Variants in TSPAN11 observed in about 807,000 individuals in gnomAD.
TSPAN11 encodes the protein tetraspanin 11.
In TSPAN11, 29 loss-of-function variants were observed where a neutral mutation model predicts 32.9. The observed-to-expected ratio is 0.88, with a 90% CI of 0.66 to 1.20. The LOEUF (loss-of-function observed/expected upper bound fraction) is 1.20. Among genes scored for constraint, TSPAN11 ranks in the 50% most tolerant of loss-of-function variants. The pLI is 0.00. For missense variants in TSPAN11, 283 were observed against 329.1 expected, an observed-to-expected ratio of 0.86 and a Z score of 1.08; for synonymous variants, 140 against 141.3, an observed-to-expected ratio of 0.99 and a Z score of 0.07.
chr12:30,968,080 T>C (rs948880915), intron 3 of TSPAN11, among the ~76,000 whole-genome samples: 3 of 152,242 alleles, frequency 2.0e-5, no homozygotes, highest in African/African-American at 7.2e-5. Context: ...AGCAGTTCCT[T>C]CCTTGTTTCA....
intron 2 of TSPAN11, among the ~76,000 whole-genome samples, chr12:30,956,963 G>A (rs890449963): frequency 1.2e-4 from 19 of 152,206 alleles, no homozygotes; most frequent in African/African-American, 4.1e-4. Context: ...CCCGGGGACC[G>A]GGGATACATG....
the TSPAN11 span, among the ~76,000 whole-genome samples, chr12:31,007,052 C>A: frequency 6.8e-4 from 104 of 152,124 alleles, no homozygotes; most frequent in Non-Finnish European, 1.2e-3. Context: ...GTAGGGGGGG[C>A]CCCTCCCCAG....
chr12:30,928,611 C>T (rs914659908), intron 1 of TSPAN11, among the ~76,000 whole-genome samples: 8 of 152,200 alleles, frequency 5.3e-5, no homozygotes, highest in African/African-American at 1.9e-4. Context: ...AAGGAAAGAT[C>T]CTTGGATGGG....
the TSPAN11 span, among the ~76,000 whole-genome samples, chr12:31,014,300 T>G: frequency 1.3e-5 from 2 of 152,226 alleles, no homozygotes; most frequent in Non-Finnish European, 2.9e-5. Flanking sequence ...CAGATGGTAT[T>G]TCCTTATGCT....
intron 3 of TSPAN11, among the ~76,000 whole-genome samples, chr12:30,966,370 C>T (rs145219907): frequency 1.9e-4 from 29 of 152,302 alleles, no homozygotes; most frequent in African/African-American, 6.3e-4. Context: ...CCAGCAGGTG[C>T]GCACAGTCTG....
At chr12:30,969,261 A>T (rs911502453) in intron 3 of TSPAN11, among the ~76,000 whole-genome samples, 1 of 152,140 alleles carries the variant, frequency 6.6e-6, no homozygotes, top group African/African-American at 2.4e-5. Flanking sequence ...TGGAAACTGG[A>T]CTGTGTCCTC....
chr12:30,932,745 C>T (rs963644342), intron 1 of TSPAN11, among the ~76,000 whole-genome samples: 4 of 152,176 alleles, frequency 2.6e-5, no homozygotes, highest in African/African-American at 9.7e-5. Context: ...CCCCAAGTTA[C>T]AACTCCATGG....
intron 1 of TSPAN11, among the ~76,000 whole-genome samples, chr12:30,953,584 C>T (rs1938423654): frequency 6.6e-6 from 1 of 152,152 alleles, no homozygotes; most frequent in African/African-American, 2.4e-5. Context: ...TCAAATGATG[C>T]AGAGTGCAAG....
chr12:30,973,474 T>C (rs1419160120), intron 3 of TSPAN11, among the ~76,000 whole-genome samples: 1 of 151,912 alleles, frequency 6.6e-6, no homozygotes, highest in African/African-American at 2.4e-5. Flanking sequence ...CAAGAAAGGG[T>C]TATTTTTTTT....
At chr12:30,965,807 G>A (rs1289364102) in intron 3 of TSPAN11, among the ~76,000 whole-genome samples, 5 of 152,114 alleles carry the variant, frequency 3.3e-5, no homozygotes. Context: ...GAGTCACCTT[G>A]CAGTTGTGTT....
chr12:30,989,406 G>A (rs1365531582), intron 7 of TSPAN11, among the ~76,000 whole-genome samples: 1 of 152,198 alleles, frequency 6.6e-6, no homozygotes, highest in African/African-American at 2.4e-5. Flanking sequence ...GGGAGCGGGG[G>A]TCTTTATCCT....
At chr12:30,948,303 G>T (rs1272207672) in intron 1 of TSPAN11, among the ~76,000 whole-genome samples, 1 of 152,190 alleles carries the variant, frequency 6.6e-6, no homozygotes, top group African/African-American at 2.4e-5. Context: ...GCTCCACTAG[G>T]CAGTGCCCCA....
chr12:30,969,416 C>T (rs1205272118), intron 3 of TSPAN11, among the ~76,000 whole-genome samples: 2 of 152,220 alleles, frequency 1.3e-5, no homozygotes, highest in Non-Finnish European at 1.5e-5. Context: ...CTTGGGGAAC[C>T]CCGACCCCTC....
At chr12:30,961,948 G>A (rs1938621427) in intron 2 of TSPAN11, among the ~76,000 whole-genome samples, 1 of 152,056 alleles carries the variant, frequency 6.6e-6, no homozygotes, top group Admixed American at 6.5e-5. Context: ...CATGGAGGTT[G>A]TGTGAGCCGC....
At chr12:31,002,980 T>C in the TSPAN11 span, among the ~76,000 whole-genome samples, 39 of 152,200 alleles carry the variant, frequency 2.6e-4, no homozygotes, top group African/African-American at 8.9e-4. This position sits in a 1 kb window ranked among gnomAD's most constrained non-coding sequence, Gnocchi z 4.8. Flanking sequence ...CCGGAGGCAG[T>C]TCTCACCCCC....
At chr12:30,965,550 TG>T (rs1938713138) in intron 3 of TSPAN11, among the ~76,000 whole-genome samples, 1 of 152,094 alleles carries the variant, frequency 6.6e-6, no homozygotes. Flanking sequence ...AAACAGGCCC[TG>T]CATTCCTCCC....
At chr12:30,930,098 G>A (rs74689507) in intron 1 of TSPAN11, among the ~76,000 whole-genome samples, 17,662 of 152,136 alleles carry the variant, frequency 0.12, 1,056 homozygotes, top group East Asian at 0.15. Flanking sequence ...CCCTTGCTTC[G>A]TGTAGATGCC....
At chr12:30,940,422 G>A (rs1181615187) in intron 1 of TSPAN11, among the ~76,000 whole-genome samples, 1 of 152,194 alleles carries the variant, frequency 6.6e-6, no homozygotes, top group African/African-American at 2.4e-5. Flanking sequence ...TAAGGGGCAT[G>A]CCTCAGACTT....
At chr12:30,947,678 G>A (rs1412624143) in intron 1 of TSPAN11, among the ~76,000 whole-genome samples, 5 of 152,120 alleles carry the variant, frequency 3.3e-5, no homozygotes, top group East Asian at 1.9e-4. Context: ...TTACCTCCCC[G>A]GGGGTCCCTC....
Sources: allele counts gnomAD v4.1 joint callset (sites outside exome capture counted in the v4.1 genomes callset), GRCh38; gene constraint gnomAD v4.1.1; non-coding constraint Gnocchi (gnomAD v3.1); transcripts MANE v1.5; gene names NCBI Gene and HGNC (gene_info 2026-07-23, HGNC 2026-07-21).